HS3ST4: variants seen among roughly 807,000 people sequenced by gnomAD.
HS3ST4 encodes heparan sulfate glucosamine 3-O-sulfotransferase 4.
A neutral mutation model predicts 29.2 loss-of-function variants in HS3ST4; 17 were observed. The ratio of observed to expected loss-of-function variants is 0.58; its 90% confidence interval spans 0.40 to 0.87. The LOEUF is 0.87. Ranked by LOEUF, HS3ST4 falls within the 40% of genes least tolerant of loss-of-function variation. The probability of loss-of-function intolerance (pLI) is 0.00; values close to 1 mark genes in which losing one functional copy is unlikely to be tolerated. For missense variants in HS3ST4, 627 were observed against 634.5 expected (o/e 0.99, Z 0.13); for synonymous variants, 314 against 285.7 (o/e 1.10, Z -1.00).
At chr16:25,785,359 T>C (rs1323370677) in intron 1 of HS3ST4, among the ~76,000 whole-genome samples, 2 of 152,218 alleles carry the variant, frequency 1.3e-5, no homozygotes, top group Non-Finnish European at 1.5e-5. Context: ...GTGTAAATAG[T>C]GCTAAGTAGA....
chr16:25,902,658 G>A (rs909774092), intron 1 of HS3ST4, among the ~76,000 whole-genome samples: 3 of 152,028 alleles, frequency 2.0e-5, no homozygotes, highest in African/African-American at 7.2e-5. Flanking sequence ...AGATCTCTGG[G>A]TACAGAAGGG....
chr16:25,752,967 A>C (rs1165937619), intron 1 of HS3ST4, among the ~76,000 whole-genome samples: 3 of 152,182 alleles, frequency 2.0e-5, no homozygotes, highest in African/African-American at 7.2e-5. Context: ...CCTCTTTATG[A>C]GTTTTCTTAG....
intron 1 of HS3ST4, among the ~76,000 whole-genome samples, chr16:26,002,177 A>G (rs1285716735): frequency 6.6e-6 from 1 of 152,168 alleles, no homozygotes; most frequent in African/African-American, 2.4e-5. Context: ...AGGAAATTGG[A>G]ATTACAGAGA....
In HS3ST4 at chr16:26,124,046, G is replaced by A. The variant is rs374019414; in HGVS notation, c.735-11566G>A. On this transcript the variant is annotated intron_variant, in intron 1 of 1. Coordinates refer to ENST00000331351, the MANE Select transcript of HS3ST4 (RefSeq NM_006040.3). ...AGCGATTCTCCTGCCTCAGCCTCCCGAGTAGCTGGGATTACAGGCAGGTGC... is the reference window on the plus strand; with the variant it reads ...AGCGATTCTCCTGCCTCAGCCTCCCAAGTAGCTGGGATTACAGGCAGGTGC... Among the ~76,000 whole-genome samples, 569 of 151,922 alleles carry A rather than the reference G, an allele frequency of 3.7e-3. 3 individuals are homozygous for A. Among genetic ancestry groups the A allele is most frequent in the African/African-American group, 0.013 (539 of 41,412 alleles).
chr16:25,830,702 C>G (rs1397511511), intron 1 of HS3ST4, among the ~76,000 whole-genome samples: 1 of 152,098 alleles, frequency 6.6e-6, no homozygotes, highest in Non-Finnish European at 1.5e-5. Context: ...CATTCATTCC[C>G]CACCTTCAAT....
In HS3ST4 at chr16:26,125,498, A is replaced by G. The variant is rs9936897; in HGVS notation, c.735-10114A>G. On this transcript the variant is annotated intron_variant, in intron 1 of 1. Transcript: ENST00000331351. The stretch of plus-strand genomic sequence containing the variant: ...TGGGCCACCACTCACGTCCCGCTGT[A>G]TAGCCCCGCTCCTAACAGGACATGG... Among the ~76,000 whole-genome samples, 218 of 152,372 alleles carry G rather than the reference A, an allele frequency of 1.4e-3. 1 individual carries two copies. Among genetic ancestry groups the G allele is most frequent in the African/African-American group, 5.0e-3 (210 of 41,602 alleles).
chr16:26,025,990 G>A (rs1353086736), intron 1 of HS3ST4, among the ~76,000 whole-genome samples: 2 of 151,940 alleles, frequency 1.3e-5, no homozygotes, highest in African/African-American at 4.8e-5. Flanking sequence ...TGGCCAGGCT[G>A]GTCTCGATCT....
intron 1 of HS3ST4, among the ~76,000 whole-genome samples, chr16:25,785,138 TG>T (rs1381562048): frequency 2.6e-5 from 4 of 152,234 alleles, no homozygotes; most frequent in African/African-American, 7.2e-5. Flanking sequence ...TAAGACCTAC[TG>T]CTTTTTAAAA....
chr16:26,099,041 G>A (rs1898962758), intron 1 of HS3ST4, among the ~76,000 whole-genome samples: 1 of 152,162 alleles, frequency 6.6e-6, no homozygotes, highest in African/African-American at 2.4e-5. Context: ...CAGAACCCCA[G>A]ACTCACATCC....
intron 1 of HS3ST4, among the ~76,000 whole-genome samples, chr16:25,727,993 T>A (rs1966548295): frequency 6.6e-6 from 1 of 152,182 alleles, no homozygotes; most frequent in South Asian, 2.1e-4. Flanking sequence ...GTTCTGATTA[T>A]TACTATTATT....
At chr16:25,865,141 A>G (rs1010308395) in intron 1 of HS3ST4, among the ~76,000 whole-genome samples, 4 of 152,152 alleles carry the variant, frequency 2.6e-5, no homozygotes, top group African/African-American at 9.7e-5. Context: ...CACAGATTTC[A>G]TTTCCTTTGG....
chr16:25,704,659 C>T (rs1221716646), intron 1 of HS3ST4, among the ~76,000 whole-genome samples: 1 of 151,904 alleles, frequency 6.6e-6, no homozygotes, highest in Non-Finnish European at 1.5e-5. Context: ...AGGTGGATCA[C>T]CTGAGGTCAG....
Position 25,998,910 on chromosome 16 carries a change from T to G in HS3ST4, c.735-136702T>G, listed in dbSNP as rs568130293. 4.6e-5 allele frequency among the ~76,000 whole-genome samples: 7 copies of G among 152,344 alleles called. No homozygotes were observed. In the East Asian group the frequency reaches 1.3e-3, roughly 29 times the overall value. On this transcript the variant is annotated intron_variant, in intron 1 of 1. Transcript: ENST00000331351. ...TGCTGTGCTTTGAAAGAATGCCATATAACAGGTTAAATGACATAAGCATTT... is the reference window on the plus strand; with the variant it reads ...TGCTGTGCTTTGAAAGAATGCCATAGAACAGGTTAAATGACATAAGCATTT...
At chr16:26,074,289 A>G (rs1898633646) in intron 1 of HS3ST4, among the ~76,000 whole-genome samples, 1 of 152,150 alleles carries the variant, frequency 6.6e-6, no homozygotes, top group African/African-American at 2.4e-5. Flanking sequence ...ACCATTCACA[A>G]ACAATTTTTT....
chr16:25,730,454 TTCCTTCCTTCCTTC>T (rs1338991283), intron 1 of HS3ST4, among the ~76,000 whole-genome samples: 3 of 140,034 alleles, frequency 2.1e-5, no homozygotes, highest in African/African-American at 5.3e-5. Flanking sequence ...CTCTCCCTTC[TTCCTTCCTTCCTTC>T]TCCTTCCTTC....
intron 1 of HS3ST4, among the ~76,000 whole-genome samples, chr16:26,101,157 C>T (rs368102353): frequency 9.8e-5 from 15 of 152,326 alleles, no homozygotes; most frequent in African/African-American, 3.1e-4. Flanking sequence ...ATCATTTCTC[C>T]CTTCAGCAGG....
In HS3ST4 at chr16:25,860,468, A is replaced by T. The variant is rs530086660; in HGVS notation, c.734+167317A>T. On this transcript the variant is annotated intron_variant, in intron 1 of 1. Coordinates refer to ENST00000331351, the MANE Select transcript of HS3ST4 (RefSeq NM_006040.3). ...CTTGGAAGCAACCAGTATGCCCTTC[A>T]GTAGTTTTGGATACACAGTTTATGG... 2.0e-4 allele frequency among the ~76,000 whole-genome samples: 30 copies of T among 152,324 alleles called. 1 individual carries two copies. The highest frequency in any genetic ancestry group is 1.4e-3 in the East Asian group (7 of 5,180).
intron 1 of HS3ST4, among the ~76,000 whole-genome samples, chr16:25,874,495 G>A (rs1403665499): frequency 1.3e-5 from 2 of 152,086 alleles, no homozygotes; most frequent in Non-Finnish European, 2.9e-5. Context: ...CTCTTCTACT[G>A]ATGACTTTCC....
intron 1 of HS3ST4, among the ~76,000 whole-genome samples, chr16:25,864,912 C>A (rs1967677812): frequency 6.7e-6 from 1 of 149,540 alleles, no homozygotes; most frequent in Non-Finnish European, 1.5e-5. Flanking sequence ...TATATATACA[C>A]ACACACAATG....
Sources: gnomAD v4.1 joint callset for allele counts (sites outside exome capture counted in the v4.1 genomes callset) on GRCh38, gnomAD v4.1.1 for gene constraint, MANE v1.5 for transcripts, NCBI Gene and HGNC (gene_info 2026-07-23, HGNC 2026-07-21) for gene names.